B3GALT1: variants seen among roughly 807,000 people sequenced by gnomAD.
B3GALT1 encodes the protein UDP-Gal:betaGlcNAc beta 1,3-galactosyltransferase, polypeptide 1.
In B3GALT1, 10 loss-of-function variants were observed where a neutral mutation model predicts 23.2. The observed-to-expected ratio is 0.43, with a 90% CI of 0.27 to 0.73. B3GALT1 has a LOEUF of 0.73. B3GALT1 is among the 30% of genes least tolerant of loss of function. The pLI is 0.21. For synonymous variants in B3GALT1, 156 were observed against 141.5 expected, an observed-to-expected ratio of 1.10 and a Z score of -0.73; for missense variants, 299 against 405.4, an observed-to-expected ratio of 0.74 and a Z score of 2.25.
intron 1 of B3GALT1, among the ~76,000 whole-genome samples, chr2:167,358,325 G>A (rs1041679363): frequency 1.3e-5 from 2 of 152,156 alleles, no homozygotes; most frequent in African/African-American, 4.8e-5. Context: ...TTTCAGTGAC[G>A]GACATTGAGT....
At chr2:167,491,483 C>CTTTT (rs35378344) in intron 2 of B3GALT1, among the ~76,000 whole-genome samples, 3,592 of 121,824 alleles carry the variant, frequency 0.029, 123 homozygotes, top group African/African-American at 0.075. Flanking sequence ...TTTACTTTTG[C>CTTTT]TTTTTTTTTT....
chr2:167,828,245 A>G (rs918883709), intron 4 of B3GALT1, among the ~76,000 whole-genome samples: 5 of 152,344 alleles, frequency 3.3e-5, no homozygotes, highest in Admixed American at 6.5e-5. Context: ...GAAACAGTCA[A>G]CAAATCCCCT....
chr2:167,631,457 A>T (rs1234813048), intron 2 of B3GALT1: 1 of 151,844 alleles, frequency 6.6e-6, no homozygotes, highest in Non-Finnish European at 1.5e-5. Context: ...GTCTAGCAGG[A>T]TAACCCAATA....
chr2:167,546,295 C>T (rs569273911), intron 2 of B3GALT1, among the ~76,000 whole-genome samples: 1 of 152,330 alleles, frequency 6.6e-6, no homozygotes, highest in African/African-American at 2.4e-5. Flanking sequence ...AACTGTGAAG[C>T]TCACCTTAGT....
chr2:167,635,153 C>A (rs1181813635), intron 2 of B3GALT1, among the ~76,000 whole-genome samples: 1 of 152,054 alleles, frequency 6.6e-6, no homozygotes, highest in African/African-American at 2.4e-5. Flanking sequence ...TCAACACCCC[C>A]TTTATGCTAA....
At chr2:167,421,313 T>C (rs573007650) in intron 1 of B3GALT1, among the ~76,000 whole-genome samples, 3 of 152,308 alleles carry the variant, frequency 2.0e-5, no homozygotes, top group African/African-American at 7.2e-5. Context: ...GGAAGAACTT[T>C]CCATTATCAC....
chr2:167,465,978 T>C (rs899679943), intron 1 of B3GALT1, among the ~76,000 whole-genome samples: 5 of 152,126 alleles, frequency 3.3e-5, no homozygotes, highest in African/African-American at 1.2e-4. Context: ...TCTGCAGATA[T>C]TATCTGCTGC....
chr2:167,788,508 A>G (rs1688379689), intron 3 of B3GALT1, among the ~76,000 whole-genome samples: 1 of 152,078 alleles, frequency 6.6e-6, no homozygotes, highest in Admixed American at 6.6e-5. Flanking sequence ...CATGCAACCT[A>G]GATCCCTTAC....
intron 3 of B3GALT1, among the ~76,000 whole-genome samples, chr2:167,744,243 T>C (rs985975648): frequency 2.0e-5 from 3 of 152,194 alleles, no homozygotes. Flanking sequence ...GTTAATGGTA[T>C]TGATCAAATC....
At chr2:167,341,940 T>G (rs1441170229) in intron 1 of B3GALT1, among the ~76,000 whole-genome samples, 2 of 152,198 alleles carry the variant, frequency 1.3e-5, no homozygotes, top group African/African-American at 4.8e-5. Context: ...TTAGTGAATT[T>G]GGAAATTTTA....
chr2:167,580,830 G>A lies in B3GALT1; in HGVS notation c.-409-66079G>A, dbSNP rs550254781. 7.2e-5 allele frequency among the ~76,000 whole-genome samples: 11 copies of A among 152,232 alleles called. No individual in the cohort carries two copies. In the South Asian group the frequency reaches 1.2e-3, roughly 17 times the overall value. On this transcript the variant is annotated intron_variant, in intron 2 of 4. Transcript: ENST00000392690. ...AGAGTAAGAGATCTTTCTAGGAGCC[G>A]TGTACCCTTGCAGTGGTCAGATGAT...
At position 167,790,336 on chromosome 2, in the gene B3GALT1, G is replaced by A. The variant is rs538414743; in HGVS notation, c.-351-28336G>A. ...GGACTCAAACTAGGAATTCAGGGTGGGCTTTGGTAATCTACATCTGCTGGC... is the reference window on the plus strand; with the variant it reads ...GGACTCAAACTAGGAATTCAGGGTGAGCTTTGGTAATCTACATCTGCTGGC... On this transcript the variant is annotated intron_variant, in intron 3 of 4. Transcript: ENST00000392690. Among the ~76,000 whole-genome samples the A allele has an allele frequency of 2.0e-5, 3 of 152,290 alleles. No individual in the cohort carries two copies. In the South Asian group the frequency reaches 6.2e-4, roughly 32 times the overall value.
At chr2:167,497,054 TAAA>T (rs71749338) in intron 2 of B3GALT1, among the ~76,000 whole-genome samples, 1 of 150,998 alleles carries the variant, frequency 6.6e-6, no homozygotes, top group African/African-American at 2.4e-5. Context: ...TAAACTATAA[TAAA>T]AAAAAAGTAC....
intron 1 of B3GALT1, among the ~76,000 whole-genome samples, chr2:167,411,998 T>C (rs1336693489): frequency 6.6e-6 from 1 of 151,702 alleles, no homozygotes; most frequent in Non-Finnish European, 1.5e-5. Context: ...GGAGCTAAAG[T>C]GTGGAGCTCA....
At chr2:167,344,949 A>G (rs1171440319) in intron 1 of B3GALT1, among the ~76,000 whole-genome samples, 2 of 152,240 alleles carry the variant, frequency 1.3e-5, no homozygotes, top group Non-Finnish European at 2.9e-5. Context: ...TACACAGACT[A>G]TAAAAGTAGT....
Position 167,364,106 on chromosome 2 carries a change from G to A in B3GALT1, c.-511+70772G>A, listed in dbSNP as rs1286939235. ...TTGAACCCAGGAGATGGAGGTTGCAGTGAGCTGAGATTGTGCCACTGCACT... is the reference window on the plus strand; with the variant it reads ...TTGAACCCAGGAGATGGAGGTTGCAATGAGCTGAGATTGTGCCACTGCACT... On this transcript the variant is annotated intron_variant, in intron 1 of 4. Coordinates refer to ENST00000392690, the MANE Select transcript of B3GALT1 (RefSeq NM_020981.4). Among the ~76,000 whole-genome samples, 3 of 144,342 alleles carry A rather than the reference G, an allele frequency of 2.1e-5. No individual in the cohort carries two copies. The East Asian group carries it at 6.4e-4, about 31-fold the overall frequency. 94.7% of individuals were successfully genotyped at this position (144,342 alleles called of 152,430 possible).
intron 2 of B3GALT1, among the ~76,000 whole-genome samples, chr2:167,639,950 T>A (rs1685622839): frequency 6.6e-6 from 1 of 152,102 alleles, no homozygotes; most frequent in African/African-American, 2.4e-5. Context: ...AAATTTCTTT[T>A]GAGGTTATCT....
intron 3 of B3GALT1, among the ~76,000 whole-genome samples, chr2:167,667,185 T>G (rs927183668): frequency 3.6e-4 from 55 of 152,148 alleles, no homozygotes; most frequent in African/African-American, 1.1e-3. Flanking sequence ...GTCTGTAAAG[T>G]ATTTTATTTC....
intron 2 of B3GALT1, among the ~76,000 whole-genome samples, chr2:167,500,367 A>G (rs1034792077): frequency 4.1e-4 from 62 of 152,320 alleles, no homozygotes; most frequent in African/African-American, 1.4e-3. Flanking sequence ...CACTTCTTCT[A>G]AAACATGGGT....
Sources: allele counts gnomAD v4.1 joint callset (sites outside exome capture counted in the v4.1 genomes callset), GRCh38; gene constraint gnomAD v4.1.1; transcripts MANE v1.5; gene names NCBI Gene and HGNC (gene_info 2026-07-23, HGNC 2026-07-21).